STX12: variants seen among roughly 807,000 people sequenced by gnomAD.
STX12 encodes syntaxin-12.
A neutral mutation model predicts 42.2 loss-of-function variants in STX12; 17 were observed. That is an observed-to-expected ratio of 0.40 (90% CI 0.28 to 0.60). The LOEUF (loss-of-function observed/expected upper bound fraction) is 0.60, where lower values mean the gene tolerates loss of function less well. Ranked by LOEUF, STX12 falls within the 20% of genes least tolerant of loss-of-function variation. STX12 has a pLI of 0.39. For missense variants in STX12, 297 were observed against 330.9 expected (o/e 0.90, Z 0.79); for synonymous variants, 108 against 116.7 (o/e 0.93, Z 0.48).
At chr1:27,798,705 C>G (rs2088804532) in intron 3 of STX12, among the ~76,000 whole-genome samples, 1 of 144,430 alleles carries the variant, frequency 6.9e-6, no homozygotes, top group Admixed American at 7.0e-5. Flanking sequence ...GAGCGAGACT[C>G]CATCTCAAAA....
intron 3 of STX12, among the ~76,000 whole-genome samples, chr1:27,799,876 C>G (rs543563249): frequency 6.6e-6 from 1 of 152,252 alleles, no homozygotes; most frequent in African/African-American, 2.4e-5. Flanking sequence ...CTCAGCCTCT[C>G]AAGTAGCTGG....
At chr1:27,821,219 G>C (rs146507013) in intron 8 of STX12, among the ~76,000 whole-genome samples, 10 of 151,900 alleles carry the variant, frequency 6.6e-5, no homozygotes, top group Non-Finnish European at 1.3e-4. Context: ...CGTGTTCCTG[G>C]GATAGCTGTA....
Position 27,812,204 on chromosome 1 carries a change from TG to T in STX12, c.514del (p.Ala172ProfsTer36). ...WNQMQSQEDE[V>X]AITEQDLELI... Reference sequence around the variant, plus strand: ...CAGATGCAGAGCCAGGAGGATGAGGTGGCCATCACTGAGCAGGATTTGGAAC... The same window carrying T: ...CAGATGCAGAGCCAGGAGGATGAGGTGCCATCACTGAGCAGGATTTGGAAC... On this transcript the variant is annotated frameshift_variant, in exon 6 of 9. Coordinates refer to ENST00000373943, the MANE Select transcript of STX12 (RefSeq NM_177424.3). LOFTEE classifies it high-confidence loss of function. 1.3e-6 allele frequency: 2 copies of T among 1,560,910 alleles called. No individual in the cohort carries two copies.
Position 27,793,605 on chromosome 1 carries a change from G to A in STX12, c.261G>A (p.Leu87=), listed in dbSNP as rs2088764022. ...TNELLKELGS[L]PLPLSTSEQR... The stretch of plus-strand genomic sequence containing the variant: ...AATTGCTGAAAGAATTAGGGTCCTT[G>A]CCCCTTCCCTTATCTACTTCAGAAC... Residue 87 remains leucine, a synonymous_variant, in exon 3 of 9, where the codon TTG becomes TTA. Coordinates refer to ENST00000373943, the MANE Select transcript of STX12 (RefSeq NM_177424.3). The A allele has an allele frequency of 6.2e-7, 1 of 1,613,876 alleles. No individual in the cohort carries two copies. Among genetic ancestry groups the A allele is most frequent in the South Asian group, 1.1e-5 (1 of 91,080 alleles).
At chr1:27,788,266 A>G (rs1054963040) in intron 1 of STX12, among the ~76,000 whole-genome samples, 4 of 152,238 alleles carry the variant, frequency 2.6e-5, no homozygotes, top group Non-Finnish European at 5.9e-5. Flanking sequence ...AACCTCTATG[A>G]ATGAATAAAT....
intron 1 of STX12, among the ~76,000 whole-genome samples, chr1:27,786,576 A>C (rs1373778268): frequency 6.6e-6 from 1 of 152,062 alleles, no homozygotes; most frequent in African/African-American, 2.4e-5. Flanking sequence ...TTTATTGTCT[A>C]TCTCTTTTCC....
chr1:27,811,509 G>GT (rs1408154683), intron 5 of STX12, among the ~76,000 whole-genome samples: 1 of 151,872 alleles, frequency 6.6e-6, no homozygotes, highest in Non-Finnish European at 1.5e-5. Flanking sequence ...TTTATGGATT[G>GT]TTTTTTAATA....
intron 1 of STX12, among the ~76,000 whole-genome samples, chr1:27,780,722 CG>C (rs1456091998): frequency 3.7e-4 from 56 of 151,924 alleles, no homozygotes; most frequent in African/African-American, 1.3e-3. Flanking sequence ...GAGGCTGAGG[CG>C]AGTGGATCTC....
chr1:27,780,190 A>G (rs1049699369), intron 1 of STX12, among the ~76,000 whole-genome samples: 1 of 150,010 alleles, frequency 6.7e-6, no homozygotes, highest in African/African-American at 2.5e-5. Flanking sequence ...GCTGATAGCA[A>G]TTAAGTTTTT....
intron 8 of STX12, among the ~76,000 whole-genome samples, chr1:27,820,654 C>T (rs1337987271): frequency 1.3e-5 from 2 of 152,056 alleles, no homozygotes; most frequent in Non-Finnish European, 2.9e-5. Flanking sequence ...TACCATTTGA[C>T]CCAGCCATCC....
At chr1:27,780,946 G>A (rs2088664205) in intron 1 of STX12, among the ~76,000 whole-genome samples, 1 of 151,664 alleles carries the variant, frequency 6.6e-6, no homozygotes, top group African/African-American at 2.4e-5. Flanking sequence ...GTGACAGAGT[G>A]AGACCCTGTC....
intron 1 of STX12, among the ~76,000 whole-genome samples, chr1:27,778,916 C>T (rs1218534697): frequency 1.3e-5 from 2 of 152,106 alleles, no homozygotes; most frequent in African/African-American, 2.4e-5. Flanking sequence ...TATGCCACTG[C>T]GCCTGGCAAG....
Position 27,810,155 on chromosome 1 carries a change from GCTT to G in STX12, c.427-87_427-85del, listed in dbSNP as rs1433922234. ...GATTCTGTGGGTGTCAAAGGATGTT[GCTT>G]CTTTATACTGTGCTAAGGAAGCCCT... On this transcript the variant is annotated intron_variant, in intron 4 of 8. Transcript: ENST00000373943. 27 of 1,168,604 alleles carry G rather than the reference GCTT, an allele frequency of 2.3e-5. No homozygotes were observed. In the South Asian group the frequency reaches 3.5e-4, roughly 15 times the overall value. 72.4% of individuals were successfully genotyped at this position (1,168,604 alleles called of 1,614,324 possible).
intron 6 of STX12, among the ~76,000 whole-genome samples, chr1:27,816,931 A>C (rs1194647206): frequency 2.8e-5 from 4 of 141,800 alleles, no homozygotes; most frequent in Non-Finnish European, 6.1e-5. Context: ...AAAAAGAAAG[A>C]GAAAGGAAGG....
At chr1:27,818,744 C>G (rs2088961557) in intron 7 of STX12, among the ~76,000 whole-genome samples, 1 of 151,912 alleles carries the variant, frequency 6.6e-6, no homozygotes, top group Non-Finnish European at 1.5e-5. Flanking sequence ...ATTCTGCTGC[C>G]TCAGCCTCCC....
At chr1:27,820,935 A>G (rs942188849) in intron 8 of STX12, among the ~76,000 whole-genome samples, 7 of 150,896 alleles carry the variant, frequency 4.6e-5, no homozygotes, top group Non-Finnish European at 8.9e-5. Flanking sequence ...CAAAAAACCA[A>G]ACACTGCATA....
chr1:27,793,720 C>G (rs1167273218), intron 3 of STX12, 88 bp downstream of exon 3: 16 of 1,061,896 alleles, frequency 1.5e-5, no homozygotes, highest in African/African-American at 4.8e-5. Flanking sequence ...AATAAGTTGG[C>G]CTTTGGTGCT....
Position 27,819,712 on chromosome 1 carries a change from C to G in STX12, c.712C>G (p.Gln238Glu), listed in dbSNP as rs768679047. The change falls in exon 8 of 9, where the codon CAG (glutamine) becomes GAG (glutamate). Residue 238 changes from glutamine (Q) to glutamate (E), a missense_variant. Physicochemically the swap from Gln to Glu is conservative, Grantham distance 29 (BLOSUM62 2). Transcript: ENST00000373943. The part of the protein sequence containing the change: ...VHVERATEQL[Q>E]RAAYYQKKSR... ...CGTCGAAAGAGCCACTGAACAGTTA[C>G]AGCGAGCTGCTTACTATCAGGTAAA... The G allele has an allele frequency of 1.7e-5, 28 of 1,613,760 alleles. No individual in the cohort carries two copies. The South Asian group carries it at 2.3e-4, about 13-fold the overall frequency.
chr1:27,809,388 T>A (rs1338624117), intron 4 of STX12, among the ~76,000 whole-genome samples: 2 of 150,404 alleles, frequency 1.3e-5, no homozygotes, highest in African/African-American at 4.9e-5. Context: ...TTATGCCAAA[T>A]CCCATCTCTC....
Sources: allele counts gnomAD v4.1 joint callset (sites outside exome capture counted in the v4.1 genomes callset), GRCh38; gene constraint gnomAD v4.1.1; transcripts MANE v1.5; gene names NCBI Gene and HGNC (gene_info 2026-07-23, HGNC 2026-07-21).